The following DRC8 variants were observed in gnomAD, a reference collection of about 807,000 sequenced individuals.
The protein encoded by DRC8 is dynein regulatory complex subunit 8.
chr1:245,046,713 T>G, the DRC8 span, among the ~76,000 whole-genome samples: 5,569 of 152,252 alleles, frequency 0.037, 350 homozygotes, highest in African/African-American at 0.12. Context: ...AATTTGGAAG[T>G]CCTTTTGAAA....
the DRC8 span, among the ~76,000 whole-genome samples, chr1:245,112,954 A>T: frequency 1.3e-5 from 2 of 152,112 alleles, no homozygotes; most frequent in African/African-American, 2.4e-5. Context: ...TGGTTTCACC[A>T]TGTTGGCCAG....
At chr1:245,055,668 G>A in the DRC8 span, among the ~76,000 whole-genome samples, 4 of 152,032 alleles carry the variant, frequency 2.6e-5, no homozygotes, top group East Asian at 1.9e-4. Context: ...TGCAGTCCTC[G>A]ATATTTGTAA....
chr1:245,104,107 C>A, the DRC8 span, among the ~76,000 whole-genome samples: 1 of 152,192 alleles, frequency 6.6e-6, no homozygotes, highest in South Asian at 2.1e-4. Context: ...GGATGGAGCA[C>A]AACCAAACTG....
chr1:245,107,544 G>A, the DRC8 span, among the ~76,000 whole-genome samples: 1 of 152,176 alleles, frequency 6.6e-6, no homozygotes, highest in African/African-American at 2.4e-5. Flanking sequence ...AGAGCTCTAG[G>A]GGCAGAAGTG....
chr1:245,100,476 A>G, the DRC8 span, among the ~76,000 whole-genome samples: 2 of 151,062 alleles, frequency 1.3e-5, no homozygotes, highest in African/African-American at 4.9e-5. Context: ...TGAATAAATG[A>G]CCTTAAAAAA....
the DRC8 span, among the ~76,000 whole-genome samples, chr1:245,121,071 C>T: frequency 6.6e-6 from 1 of 152,176 alleles, no homozygotes; most frequent in Non-Finnish European, 1.5e-5. Context: ...TCTTAAGTTT[C>T]TTTAGTTTTG....
the DRC8 span, among the ~76,000 whole-genome samples, chr1:245,119,938 A>AAGAT: frequency 1.5e-4 from 8 of 52,734 alleles, no homozygotes; most frequent in Admixed American, 3.1e-4. Flanking sequence ...GTCTCAAAAA[A>AAGAT]AAATAAAAAA....
the DRC8 span, among the ~76,000 whole-genome samples, chr1:245,023,860 C>G: frequency 1.3e-5 from 2 of 151,970 alleles, no homozygotes; most frequent in Non-Finnish European, 2.9e-5. Context: ...ATCAATATAT[C>G]TTGACTATTT....
the DRC8 span, among the ~76,000 whole-genome samples, chr1:245,005,614 A>G: frequency 2.6e-5 from 4 of 152,110 alleles, no homozygotes. Flanking sequence ...AAGTGCTGGG[A>G]TTACAGGCGT....
the DRC8 span, chr1:245,122,329 C>T: frequency 1.6e-3 from 246 of 156,468 alleles, 1 homozygote; most frequent in Non-Finnish European, 2.9e-3. Flanking sequence ...ACACCTTGAA[C>T]GAAGGGTGAA....
the DRC8 span, among the ~76,000 whole-genome samples, chr1:244,984,371 T>C: frequency 0.82 from 125,376 of 152,086 alleles, 51,808 homozygotes; most frequent in East Asian, 1. Context: ...GATAGGAAAC[T>C]AGATATTTTG....
chr1:245,063,236 C>T, the DRC8 span, among the ~76,000 whole-genome samples: 3 of 152,276 alleles, frequency 2.0e-5, no homozygotes, highest in Admixed American at 1.3e-4. Flanking sequence ...TCACTTGTTC[C>T]AGGTCTCACC....
chr1:244,994,515 C>T, the DRC8 span, among the ~76,000 whole-genome samples: 4 of 152,072 alleles, frequency 2.6e-5, no homozygotes, highest in African/African-American at 4.8e-5. Flanking sequence ...TTGTAACCTC[C>T]GCCTCCTGGG....
the DRC8 span, among the ~76,000 whole-genome samples, chr1:245,047,020 G>T: frequency 1.3e-5 from 2 of 152,168 alleles, no homozygotes; most frequent in African/African-American, 2.4e-5. Context: ...GGGGCTCAAC[G>T]AGTCCATCTG....
chr1:244,970,227 G>T, the DRC8 span: 3 of 754,850 alleles, frequency 4.0e-6, no homozygotes, highest in Non-Finnish European at 6.9e-6. Context: ...CGCGAGGGTC[G>T]TGGCGCGAAA....
At chr1:245,052,513 C>T in the DRC8 span, among the ~76,000 whole-genome samples, 2 of 152,204 alleles carry the variant, frequency 1.3e-5, no homozygotes, top group African/African-American at 4.8e-5. Flanking sequence ...AAGAATAAGC[C>T]GTGGTTGATT....
At chr1:244,985,583 G>T in the DRC8 span, among the ~76,000 whole-genome samples, 4 of 152,140 alleles carry the variant, frequency 2.6e-5, no homozygotes, top group African/African-American at 9.7e-5. Context: ...TAATTATTGG[G>T]CCAGGTGTGG....
the DRC8 span, among the ~76,000 whole-genome samples, chr1:245,108,391 T>G: frequency 6.6e-6 from 1 of 152,240 alleles, no homozygotes; most frequent in Admixed American, 6.5e-5. Context: ...TTGCTGAAAT[T>G]CTTCCTTGGA....
At chr1:245,069,683 C>T in the DRC8 span, among the ~76,000 whole-genome samples, 4 of 152,124 alleles carry the variant, frequency 2.6e-5, no homozygotes, top group East Asian at 1.9e-4. Context: ...AAGATGAAGA[C>T]GTTCTAGAGA....
Sources: gnomAD v4.1 joint callset for allele counts (sites outside exome capture counted in the v4.1 genomes callset) on GRCh38, gnomAD v4.1.1 for gene constraint, MANE v1.5 for transcripts, NCBI Gene and HGNC (gene_info 2026-07-23, HGNC 2026-07-21) for gene names.